Variants in MYO7A observed in about 807,000 individuals in gnomAD.
The protein encoded by MYO7A is myosin VIIA, also known as unconventional myosin-VIIa.
Under a neutral mutation model 263.8 loss-of-function variants are expected in MYO7A, and 210 were observed. The ratio of observed to expected loss-of-function variants is 0.80; its 90% confidence interval spans 0.71 to 0.89. MYO7A has a LOEUF of 0.89. MYO7A is among the 40% of genes least tolerant of loss of function. The probability of loss-of-function intolerance (pLI) is 0.00; values close to 1 mark genes in which losing one functional copy is unlikely to be tolerated. For missense variants in MYO7A, 2,820 were observed against 2,968.3 expected (o/e 0.95, Z 1.16); for synonymous variants, 1,239 against 1,197.3 (o/e 1.03, Z -0.72).
chr11:77,201,650 G>A lies in MYO7A; in HGVS notation c.5043+12G>A. ...CGCGGGAGATTGTGGTATGTGGCCT[G>A]GGGGTGGCAGATGGGTGGGAGGTGC... On this transcript the variant is annotated intron_variant, in intron 36 of 48. Coordinates refer to ENST00000409709, the MANE Select transcript of MYO7A (RefSeq NM_000260.4). 1 of 1,609,806 alleles carries A rather than the reference G, an allele frequency of 6.2e-7. No homozygotes were observed. Among genetic ancestry groups the A allele is most frequent in the Non-Finnish European group, 8.5e-7 (1 of 1,176,754 alleles).
chr11:77,160,320 C>CAT, intron 11 of MYO7A, 38 bp downstream of exon 11: 1 of 1,537,476 alleles, frequency 6.5e-7, no homozygotes, highest in Non-Finnish European at 8.8e-7. Flanking sequence ...TCGCCCTACC[C>CAT]CTTGGGAAGT....
At chr11:77,156,152 C>T in intron 5 of MYO7A, 61 bp downstream of exon 5, 2 of 1,566,048 alleles carry the variant, frequency 1.3e-6, no homozygotes. Flanking sequence ...CAACTGTGCG[C>T]TCCTGCTGAT....
At position 77,199,541 on chromosome 11, in the gene MYO7A, C is replaced by T. The variant is rs1235099200; in HGVS notation, c.4575C>T (p.Cys1525=). The change falls in exon 35 of 49, where the codon TGC becomes TGT. Residue 1525 remains cysteine (C), a synonymous_variant. Coordinates refer to ENST00000409709, the MANE Select transcript of MYO7A (RefSeq NM_000260.4). The stretch of plus-strand genomic sequence containing the variant: ...TGGCCTTGATCTCCTTCAGGGAGTG[C>T]CGTGTCTGGCTCTCACTGGGCTGCT... The part of the protein sequence containing the change: ...EIMAVSSSRE[C]RVWLSLGCSD... 4 of 1,493,870 alleles carry T rather than the reference C, an allele frequency of 2.7e-6. No homozygotes were observed. Among genetic ancestry groups the T allele is most frequent in the Non-Finnish European group, 3.6e-6 (4 of 1,114,686 alleles). The allele number at this position is 1,493,870 out of a possible 1,614,324, so 92.5% of individuals were successfully genotyped here.
chr11:77,192,544 G>T (rs1264360528), intron 31 of MYO7A, among the ~76,000 whole-genome samples: 1 of 152,058 alleles, frequency 6.6e-6, no homozygotes, highest in Non-Finnish European at 1.5e-5. Context: ...GTGACTGTGC[G>T]TGCTACAGAG....
rs752542303 is a variant in MYO7A at position 77,190,042 on chromosome 11, G to C, written c.3653G>C (p.Gly1218Ala). The change falls in exon 29 of 49, where the codon GGG (glycine) becomes GCG (alanine). Residue 1218 changes from glycine (G) to alanine (A), a missense_variant. Coordinates refer to ENST00000409709, the MANE Select transcript of MYO7A (RefSeq NM_000260.4). ...FVKYLRNFIH[G>A]GPPGYAPYCE... is the part of the protein sequence containing the mutation. ...CAGTACCTGCGGAACTTCATCCACG[G>C]GGGCCCGCCCGGCTACGCCCCGTAC... is the stretch of plus-strand genomic sequence containing the variant. 1.9e-6 allele frequency: 3 copies of C among 1,562,384 alleles called. No individual in the cohort carries two copies. The African/African-American group carries it at 4.1e-5, about 21-fold the overall frequency.
chr11:77,143,560 G>A (rs1404511940), intron 3 of MYO7A, among the ~76,000 whole-genome samples: 2 of 152,242 alleles, frequency 1.3e-5, no homozygotes, highest in African/African-American at 4.8e-5. Context: ...GCTGGTTCAC[G>A]TGAGGGCCCG....
chr11:77,211,098 G>A (rs996806640), intron 44 of MYO7A, 54 bp from the exon 45 acceptor site: 4 of 1,461,610 alleles, frequency 2.7e-6, no homozygotes, highest in Non-Finnish European at 2.8e-6. Context: ...GGTGGGAAAG[G>A]AGCCCACTTC....
At chr11:77,135,309 A>G (rs1384149528) in intron 2 of MYO7A, among the ~76,000 whole-genome samples, 1 of 152,220 alleles carries the variant, frequency 6.6e-6, no homozygotes, top group Non-Finnish European at 1.5e-5. Context: ...AAGTGGAATC[A>G]TACACTATTT....
At position 77,213,907 on chromosome 11, in the gene MYO7A, C is replaced by T. The variant is rs778498696; in HGVS notation, c.6486C>T (p.Ser2162=). The change falls in exon 48 of 49, where the codon AGC becomes AGT. Residue 2162 remains serine (S), a synonymous_variant. Transcript: ENST00000409709. ...HPFTKISNWS[S]GNTYFHITIG... is the part of the protein sequence containing the mutation. The stretch of plus-strand genomic sequence containing the variant: ...TCACCAAGATCTCCAACTGGAGCAG[C>T]GGCAACACCTACTTCCACATCACCA... 1.2e-5 allele frequency: 19 copies of T among 1,613,942 alleles called. No individual in the cohort carries two copies. Among genetic ancestry groups the T allele is most frequent in the Middle Eastern group, 1.6e-4 (1 of 6,084 alleles).
intron 10 of MYO7A, 86 bp downstream of exon 10, chr11:77,159,609 C>T: frequency 3.0e-6 from 4 of 1,332,706 alleles, no homozygotes; most frequent in Non-Finnish European, 4.2e-6. Context: ...GATGTAGGAA[C>T]CACATTGCTG....
At chr11:77,150,525 C>T (rs1951888108) in intron 4 of MYO7A, among the ~76,000 whole-genome samples, 1 of 152,170 alleles carries the variant, frequency 6.6e-6, no homozygotes, top group East Asian at 1.9e-4. Context: ...ATGGGTTCTC[C>T]AGAAAGGCCC....
Position 77,185,922 on chromosome 11 carries a change from AT to A in MYO7A, c.3503+1224del, listed in dbSNP as rs370558760. Among the ~76,000 whole-genome samples the A allele has an allele frequency of 8.1e-3, 1,119 of 137,850 alleles. 6 individuals are homozygous for A. Among genetic ancestry groups the A allele is most frequent in the African/African-American group, 0.022 (828 of 37,418 alleles). The allele number at this position is 137,850 out of a possible 152,430, so 90.4% of individuals were successfully genotyped here. A position where few individuals can be genotyped will look rare whatever the true frequency, so the allele number is the denominator to read the frequency against. On this transcript the variant is annotated intron_variant, in intron 27 of 48. Transcript: ENST00000409709. ...AATAACATTCGTCTCCTTGTACATCATTTTTTTTTTTTTTTTTGGAGACAGA... is the reference window on the plus strand; with the variant it reads ...AATAACATTCGTCTCCTTGTACATCATTTTTTTTTTTTTTTTGGAGACAGA...
intron 4 of MYO7A, 137 bp from the exon 5 acceptor site, chr11:77,155,770 C>A: frequency 1.1e-6 from 1 of 951,708 alleles, no homozygotes; most frequent in East Asian, 2.7e-5. Context: ...CCGATTCTGG[C>A]TCCAGGTCCA....
Position 77,202,431 on chromosome 11 carries a change from C to T in MYO7A, c.5168+7C>T. The stretch of plus-strand genomic sequence containing the variant: ...TTTCCTATGACTACTTCAGGTGATG[C>T]CTCCTGGGGAAGGATGGGAGCCACA... On this transcript the variant is annotated splice_region_variant and intron_variant, in intron 37 of 48. Coordinates refer to ENST00000409709, the MANE Select transcript of MYO7A (RefSeq NM_000260.4). 6.5e-7 allele frequency: 1 copy of T among 1,549,524 alleles called. No individual in the cohort carries two copies. The highest frequency in any genetic ancestry group is 8.7e-7 in the Non-Finnish European group (1 of 1,145,854).
At chr11:77,133,119 G>A (rs1226544789) in intron 2 of MYO7A, among the ~76,000 whole-genome samples, 2 of 152,204 alleles carry the variant, frequency 1.3e-5, no homozygotes, top group African/African-American at 4.8e-5. Context: ...ACGGGGATGA[G>A]AGGGCACCTG....
intron 37 of MYO7A, 110 bp from the exon 38 acceptor site, chr11:77,202,950 C>G: frequency 7.2e-7 from 1 of 1,383,806 alleles, no homozygotes; most frequent in African/African-American, 1.4e-5. Context: ...GGTGCCCACT[C>G]TCAGCCTCTG....
chr11:77,211,184 G>A lies in MYO7A; in HGVS notation c.6084G>A (p.Lys2028=). ...CCAAGTATCTCCGAGGCTACCACAA[G>A]TGCACGCGGGAGGAGGTGCTGCAGC... ...ELPKYLRGYH[K]CTREEVLQLG... is the part of the protein sequence containing the mutation. The change falls in exon 45 of 49, where the codon AAG becomes AAA. Residue 2028 remains lysine, a synonymous_variant. Transcript: ENST00000409709. The A allele has an allele frequency of 6.3e-7, 1 of 1,592,176 alleles. No individual in the cohort carries two copies. The highest frequency in any genetic ancestry group is 8.5e-7 in the Non-Finnish European group (1 of 1,169,598).
intron 34 of MYO7A, among the ~76,000 whole-genome samples, chr11:77,199,330 G>A (rs552777654): frequency 1.3e-5 from 2 of 152,336 alleles, no homozygotes; most frequent in African/African-American, 4.8e-5. Context: ...CTTCCTGGAG[G>A]AAGTGGCATG....
intron 27 of MYO7A, among the ~76,000 whole-genome samples, chr11:77,185,816 A>G (rs907917874): frequency 4.6e-5 from 7 of 152,164 alleles, no homozygotes; most frequent in Admixed American, 2.0e-4. Flanking sequence ...TATAAAATGT[A>G]TTTCTTAAAT....
Sources: allele counts gnomAD v4.1 joint callset (sites outside exome capture counted in the v4.1 genomes callset), GRCh38; gene constraint gnomAD v4.1.1; transcripts MANE v1.5; gene names NCBI Gene and HGNC (gene_info 2026-07-23, HGNC 2026-07-21).